The following PIK3R4 variants were observed in gnomAD, a reference collection of about 807,000 sequenced individuals.
PIK3R4 encodes phosphoinositide-3-kinase regulatory subunit 4.
PIK3R4 carries 46 observed loss-of-function variants against 136.5 expected under a neutral mutation model. That is an observed-to-expected ratio of 0.34 (90% CI 0.27 to 0.43). The LOEUF (loss-of-function observed/expected upper bound fraction) is 0.43, where lower values mean the gene tolerates loss of function less well. Among genes scored for constraint, PIK3R4 ranks in the 20% least tolerant of loss-of-function variants. PIK3R4 has a pLI of 1.00. For missense variants in PIK3R4, 1,331 were observed against 1,649.5 expected, an observed-to-expected ratio of 0.81 and a Z score of 3.35; for synonymous variants, 557 against 566.7, an observed-to-expected ratio of 0.98 and a Z score of 0.24.
chr3:130,722,221 GT>G (rs1011898845), intron 7 of PIK3R4, among the ~76,000 whole-genome samples: 4 of 152,022 alleles, frequency 2.6e-5, no homozygotes, highest in African/African-American at 9.7e-5. Context: ...TTGGTAACGT[GT>G]TTTTTTCTCC....
chr3:130,734,176 A>G (rs2066774047), intron 3 of PIK3R4, 46 bp from the exon 4 acceptor site: 1 of 1,469,260 alleles, frequency 6.8e-7, no homozygotes, highest in Non-Finnish European at 9.2e-7. Flanking sequence ...TGAGAATAGA[A>G]AAGTAAACCA....
At chr3:130,741,919 G>T (rs1049459359) in intron 2 of PIK3R4, among the ~76,000 whole-genome samples, 1 of 152,124 alleles carries the variant, frequency 6.6e-6, no homozygotes, top group African/African-American at 2.4e-5. Flanking sequence ...AGTCCTCAAC[G>T]GTATCGATGG....
chr3:130,741,115 T>C (rs1377854147), intron 2 of PIK3R4, among the ~76,000 whole-genome samples: 1 of 152,198 alleles, frequency 6.6e-6, no homozygotes, highest in East Asian at 1.9e-4. Flanking sequence ...TGCAAGTTCA[T>C]ATGTTTAATC....
chr3:130,706,904 C>T (rs746658145), intron 11 of PIK3R4, 44 bp downstream of exon 11: 2 of 1,472,502 alleles, frequency 1.4e-6, no homozygotes, highest in South Asian at 1.4e-5. Context: ...AGCAGAAGAG[C>T]GTTCAAAGAC....
In PIK3R4 at chr3:130,686,417, A is replaced by G. The variant is rs761954261; in HGVS notation, c.3269T>C (p.Leu1090Pro). Reference sequence around the variant, plus strand: ...AACACAACCGTCCTCCTTCTGATCTAGAATTCTAGAGAAATACACAAAGCA... The same window carrying G: ...AACACAACCGTCCTCCTTCTGATCTGGAATTCTAGAGAAATACACAAAGCA... The part of the protein sequence containing the change: ...PKIHPLQSRI[L>P]DQKEDGCVVD... The change falls in exon 15 of 20, where the codon CTA (leucine) becomes CCA (proline). Residue 1090 changes from leucine to proline, a missense_variant. This residue lies in a region of PIK3R4 where 1,180 missense variants were observed against 1,407.0 expected (regional missense o/e 0.84). Coordinates refer to ENST00000356763, the MANE Select transcript of PIK3R4 (RefSeq NM_014602.3). The G allele has an allele frequency of 1.9e-6, 3 of 1,592,898 alleles. No individual in the cohort carries two copies. Among genetic ancestry groups the G allele is most frequent in the Non-Finnish European group, 2.6e-6 (3 of 1,160,658 alleles).
At position 130,733,657 on chromosome 3, in the gene PIK3R4, G is replaced by T; in HGVS notation, c.1341C>A (p.Leu447=). 6.2e-7 allele frequency: 1 copy of T among 1,613,928 alleles called. No homozygotes were observed. The highest frequency in any genetic ancestry group is 8.5e-7 in the Non-Finnish European group (1 of 1,179,818). Residue 447 remains leucine, a synonymous_variant, in exon 4 of 20, where the codon CTC becomes CTA. Transcript: ENST00000356763. The part of the protein sequence containing the change: ...ALRTLTKVLA[L]VKEVPRNDIN... ...TATCATTACGAGGAACCTCTTTGAC[G>T]AGAGCAAGAACTTTGGTCAACGTCC... is the stretch of plus-strand genomic sequence containing the variant.
chr3:130,708,801 G>GAT (rs1020923962), intron 9 of PIK3R4, among the ~76,000 whole-genome samples: 2 of 152,044 alleles, frequency 1.3e-5, no homozygotes, highest in African/African-American at 2.4e-5. Flanking sequence ...CACAATGTGT[G>GAT]ATATCTAGTA....
At chr3:130,687,031 T>G (rs2107600307) in intron 14 of PIK3R4, among the ~76,000 whole-genome samples, 1 of 151,726 alleles carries the variant, frequency 6.6e-6, no homozygotes, top group African/African-American at 2.4e-5. Flanking sequence ...TAATTATCAC[T>G]TAGCCAAAAT....
intron 9 of PIK3R4, among the ~76,000 whole-genome samples, chr3:130,711,031 A>G (rs199934764): frequency 6.7e-6 from 1 of 149,876 alleles, no homozygotes; most frequent in African/African-American, 2.5e-5. Flanking sequence ...AAAAAAAAAA[A>G]CAAGCTGGGA....
At chr3:130,697,384 T>C (rs1375217924) in intron 13 of PIK3R4, among the ~76,000 whole-genome samples, 1 of 152,164 alleles carries the variant, frequency 6.6e-6, no homozygotes. Context: ...AGCTCTTTCT[T>C]AGGTACTATT....
chr3:130,711,231 GCA>G (rs376043971), intron 9 of PIK3R4, among the ~76,000 whole-genome samples: 2 of 150,900 alleles, frequency 1.3e-5, no homozygotes, highest in Non-Finnish European at 3.0e-5. Flanking sequence ...ACACACGCAC[GCA>G]CACACACACA....
At chr3:130,715,121 CTTT>C (rs1170237161) in intron 9 of PIK3R4, among the ~76,000 whole-genome samples, 17 of 119,902 alleles carry the variant, frequency 1.4e-4, no homozygotes, top group Non-Finnish European at 2.1e-4. Context: ...TTTTTCCCGA[CTTT>C]TTTTTTTTTT....
intron 13 of PIK3R4, among the ~76,000 whole-genome samples, chr3:130,692,223 ATAGATTT>A (rs2066523591): frequency 6.6e-6 from 1 of 152,138 alleles, no homozygotes; most frequent in African/African-American, 2.4e-5. Flanking sequence ...TTCAAATACC[ATAGATTT>A]TAAAGTGCAT....
chr3:130,699,204 C>T (rs1272253772), intron 13 of PIK3R4, among the ~76,000 whole-genome samples: 2 of 152,184 alleles, frequency 1.3e-5, no homozygotes, highest in African/African-American at 4.8e-5. Flanking sequence ...TGTCAGCCTG[C>T]TGATGCCACC....
Position 130,694,986 on chromosome 3 carries a change from A to C in PIK3R4, c.3099-4332T>G, listed in dbSNP as rs1261208183. ...TTTGTTGAGTTGGTTATAATCATAA[A>C]ATGATACTGGACTTTGTCAAATACT... On this transcript the variant is annotated intron_variant, in intron 13 of 19. Transcript: ENST00000356763. 3.3e-5 allele frequency among the ~76,000 whole-genome samples: 5 copies of C among 152,234 alleles called. No homozygotes were observed. In the East Asian group the frequency reaches 9.6e-4, roughly 29 times the overall value.
intron 9 of PIK3R4, among the ~76,000 whole-genome samples, chr3:130,709,918 C>T (rs535803499): frequency 1.8e-4 from 28 of 152,086 alleles, no homozygotes; most frequent in South Asian, 4.2e-4. Flanking sequence ...TTCAGGGTGA[C>T]GAAAATGTTC....
chr3:130,684,320 G>A lies in PIK3R4; in HGVS notation c.3537C>T (p.His1179=), dbSNP rs926677773. ...TGATTCGAGCCCTGGAAGGATGACA[G>A]TGACTTGAAATTGGCAACTGGAACC... is the stretch of plus-strand genomic sequence containing the variant. ...DMRFQLPISS[H]CHPSRARIRR... is the part of the protein sequence containing the mutation. Residue 1179 remains histidine (H), a synonymous_variant, in exon 16 of 20, where the codon CAC becomes CAT. Coordinates refer to ENST00000356763, the MANE Select transcript of PIK3R4 (RefSeq NM_014602.3). 6.2e-7 allele frequency: 1 copy of A among 1,613,184 alleles called. No homozygotes were observed. The highest frequency in any genetic ancestry group is 1.1e-5 in the South Asian group (1 of 91,060).
chr3:130,733,772 A>C lies in PIK3R4; in HGVS notation c.1226T>G (p.Leu409Ter). Reference protein sequence around the residue: ...LELILHLAPRLSVEILLDRIT... With the variant: ...LELILHLAPR ...ACGATCCAAAAGGATTTCAACACTT[A>C]ATCTTGGAGCCAAATGAAGAATCAG... is the stretch of plus-strand genomic sequence containing the variant. The change falls in exon 4 of 20, where the codon TTA becomes TGA. Residue 409 changes from leucine to a stop codon, truncating the protein, a stop_gained. Transcript: ENST00000356763. LOFTEE classifies it high-confidence loss of function. 4 of 1,614,196 alleles carry C rather than the reference A, an allele frequency of 2.5e-6. No individual in the cohort carries two copies. The highest frequency in any genetic ancestry group is 3.4e-6 in the Non-Finnish European group (4 of 1,179,992).
At chr3:130,686,118 A>G in intron 15 of PIK3R4, 93 bp downstream of exon 15, 1 of 739,536 alleles carries the variant, frequency 1.4e-6, no homozygotes, top group Non-Finnish European at 2.3e-6. Context: ...AAAATTACCA[A>G]TGAACAAAGA....
Sources: allele counts gnomAD v4.1 joint callset (sites outside exome capture counted in the v4.1 genomes callset), GRCh38; gene constraint gnomAD v4.1.1; regional missense constraint gnomAD v4.1.1; transcripts MANE v1.5; gene names NCBI Gene and HGNC (gene_info 2026-07-23, HGNC 2026-07-21).